The following FMN2 variants were observed in gnomAD, a reference collection of about 807,000 sequenced individuals.
The protein encoded by FMN2 is formin-2.
Under a neutral mutation model 142.3 loss-of-function variants are expected in FMN2, and 51 were observed. That is an observed-to-expected ratio of 0.36 (90% CI 0.29 to 0.45). The LOEUF (loss-of-function observed/expected upper bound fraction) is 0.45, where lower values mean the gene tolerates loss of function less well. FMN2 is among the 20% of genes least tolerant of loss of function. The probability of loss-of-function intolerance (pLI) is 1.00; values close to 1 mark genes in which losing one functional copy is unlikely to be tolerated. For missense variants in FMN2, 1,936 were observed against 2,122.8 expected (o/e 0.91, Z 1.73); for synonymous variants, 882 against 869.8 (o/e 1.01, Z -0.25).
intron 6 of FMN2, among the ~76,000 whole-genome samples, chr1:240,247,301 G>A (rs1378567294): frequency 6.6e-6 from 1 of 152,084 alleles, no homozygotes; most frequent in African/African-American, 2.4e-5. Flanking sequence ...TTGGGAGTTT[G>A]AGACCAGCCT....
At chr1:240,315,457 A>G (rs1295145918) in intron 8 of FMN2, among the ~76,000 whole-genome samples, 1 of 152,206 alleles carries the variant, frequency 6.6e-6, no homozygotes, top group Non-Finnish European at 1.5e-5. Context: ...AACTCTCTTA[A>G]TAAGGATGTA....
intron 14 of FMN2, among the ~76,000 whole-genome samples, chr1:240,384,305 T>A (rs1673338268): frequency 6.6e-6 from 1 of 152,046 alleles, no homozygotes; most frequent in Non-Finnish European, 1.5e-5. Context: ...AAAATAATAA[T>A]ATTTAAAAGA....
chr1:240,167,716 A>T (rs915959710), intron 2 of FMN2, among the ~76,000 whole-genome samples: 3 of 152,206 alleles, frequency 2.0e-5, no homozygotes, highest in African/African-American at 7.2e-5. Context: ...GCAATTATTT[A>T]AAAAATCTGT....
intron 7 of FMN2, among the ~76,000 whole-genome samples, chr1:240,281,906 C>T (rs1669408817): frequency 6.6e-6 from 1 of 152,096 alleles, no homozygotes. Context: ...GGAATTAGCC[C>T]AGTTGTATAT....
Position 240,208,338 on chromosome 1 carries a change from C to T in FMN2, c.3526C>T (p.Pro1176Ser), listed in dbSNP as rs549087270. 1.1e-5 allele frequency: 15 copies of T among 1,423,572 alleles called. No homozygotes were observed. The African/African-American group carries it at 1.9e-4, about 18-fold the overall frequency. The allele number at this position is 1,423,572 out of a possible 1,614,324, so 88.2% of individuals were successfully genotyped here. Residue 1176 changes from proline (P) to serine (S), a missense_variant, in exon 5 of 18, where the codon CCG becomes TCG. Pro to Ser is a moderately conservative substitution (Grantham distance 74, BLOSUM62 -1). Coordinates refer to ENST00000319653, the MANE Select transcript of FMN2 (RefSeq NM_020066.5). ...TCTACCCGGAGCGGGCATACCCCCTCCGCCCCCTCTACCTGGAGTGGGAAT... is the reference window on the plus strand; with the variant it reads ...TCTACCCGGAGCGGGCATACCCCCTTCGCCCCCTCTACCTGGAGTGGGAAT... Reference protein sequence around the residue: ...PPLPGAGIPPPPPLPGVGIPP... With the variant: ...PPLPGAGIPPSPPLPGVGIPP...
chr1:240,180,556 C>A (rs1665105094), intron 3 of FMN2, among the ~76,000 whole-genome samples: 1 of 143,522 alleles, frequency 7.0e-6, no homozygotes, highest in Non-Finnish European at 1.5e-5. Context: ...CTGTATATAA[C>A]ACATGACCCC....
At chr1:240,435,067 C>T (rs1339618767) in intron 15 of FMN2, among the ~76,000 whole-genome samples, 1 of 152,240 alleles carries the variant, frequency 6.6e-6, no homozygotes, top group African/African-American at 2.4e-5. Flanking sequence ...TCACATTTGA[C>T]TTTAAATCAA....
rs557076888 is a variant in FMN2, at chr1:240,324,998, A to G, written c.4216-4078A>G. 3.9e-5 allele frequency among the ~76,000 whole-genome samples: 6 copies of G among 152,308 alleles called. 1 individual carries two copies. The highest frequency in any genetic ancestry group is 1.4e-4 in the African/African-American group (6 of 41,570). ...TTAATGTTTCAAAATGCATGGATTC[A>G]GGTGTACCACTACCATCTTTGTGCA... On this transcript the variant is annotated intron_variant, in intron 8 of 17. Coordinates refer to ENST00000319653, the MANE Select transcript of FMN2 (RefSeq NM_020066.5).
At chr1:240,420,210 C>T (rs908387019) in intron 15 of FMN2, among the ~76,000 whole-genome samples, 2 of 152,108 alleles carry the variant, frequency 1.3e-5, no homozygotes, top group African/African-American at 2.4e-5. Context: ...TGGGTGGGGC[C>T]TCTGGGAACT....
chr1:240,307,819 T>A (rs1670464876), intron 8 of FMN2, among the ~76,000 whole-genome samples: 1 of 152,218 alleles, frequency 6.6e-6, no homozygotes. Context: ...ATCAGTAGAT[T>A]GCTTCAGGCA....
intron 7 of FMN2, among the ~76,000 whole-genome samples, chr1:240,275,942 AT>A (rs1669193624): frequency 6.6e-6 from 1 of 152,082 alleles, no homozygotes; most frequent in Non-Finnish European, 1.5e-5. Context: ...GGGAAAGGGT[AT>A]TCTTAAGTAG....
At chr1:240,102,108 A>C (rs1408730743) in intron 1 of FMN2, among the ~76,000 whole-genome samples, 1 of 152,182 alleles carries the variant, frequency 6.6e-6, no homozygotes, top group Non-Finnish European at 1.5e-5. Flanking sequence ...CTACTATTGA[A>C]TATGCTTACT....
intron 4 of FMN2, 132 bp from the exon 5 acceptor site, chr1:240,206,664 ATAT>A: frequency 1.8e-6 from 2 of 1,105,936 alleles, no homozygotes; most frequent in South Asian, 1.7e-5. Context: ...ACACATAGAA[ATAT>A]TAATACCATC....
chr1:240,148,959 G>A (rs937086736), intron 2 of FMN2, among the ~76,000 whole-genome samples: 5 of 133,936 alleles, frequency 3.7e-5, no homozygotes, highest in Admixed American at 2.4e-4. Context: ...GTGACAGAGC[G>A]AGACTCCGTC....
intron 13 of FMN2, among the ~76,000 whole-genome samples, chr1:240,352,887 G>T (rs1243227002): frequency 6.6e-6 from 1 of 152,178 alleles, no homozygotes; most frequent in Non-Finnish European, 1.5e-5. Context: ...CGGATGTCTT[G>T]TCATCTGACC....
chr1:240,243,127 A>G (rs537569831), intron 6 of FMN2, among the ~76,000 whole-genome samples: 1 of 151,918 alleles, frequency 6.6e-6, no homozygotes, highest in African/African-American at 2.4e-5. Flanking sequence ...GCGGGAGTAG[A>G]CCGAAAAAAA....
At chr1:240,103,816 A>C (rs927514345) in intron 1 of FMN2, among the ~76,000 whole-genome samples, 2 of 152,088 alleles carry the variant, frequency 1.3e-5, no homozygotes, top group East Asian at 3.9e-4. Flanking sequence ...GTCCCCTATC[A>C]CCCTGAGGCT....
intron 16 of FMN2, among the ~76,000 whole-genome samples, chr1:240,453,377 TC>T (rs1356280619): frequency 5.3e-5 from 8 of 152,076 alleles, no homozygotes; most frequent in African/African-American, 1.9e-4. Flanking sequence ...AGTTATTTAA[TC>T]TTAGTGAACT....
chr1:240,341,419 A>G (rs995369532), intron 13 of FMN2: 1 of 152,118 alleles, frequency 6.6e-6, no homozygotes, highest in Non-Finnish European at 1.5e-5. Flanking sequence ...ACAGTTACAG[A>G]TTGAACTGCT....
Sources: gnomAD v4.1 joint callset for allele counts (sites outside exome capture counted in the v4.1 genomes callset) on GRCh38, gnomAD v4.1.1 for gene constraint, MANE v1.5 for transcripts, NCBI Gene and HGNC (gene_info 2026-07-23, HGNC 2026-07-21) for gene names.